Variants in GYS1 observed in about 807,000 individuals in gnomAD.
GYS1 encodes the protein glycogen synthase 1.
GYS1 carries 60 observed loss-of-function variants against 89.1 expected under a neutral mutation model. The ratio of observed to expected loss-of-function variants is 0.67; its 90% CI spans 0.55 to 0.84. The LOEUF is 0.84. GYS1 is among the 40% of genes least tolerant of loss of function. The pLI is 0.00. For missense variants in GYS1, 888 were observed against 1,003.1 expected, an observed-to-expected ratio of 0.89 and a Z score of 1.55; for synonymous variants, 366 against 401.7, an observed-to-expected ratio of 0.91 and a Z score of 1.06.
intron 11 of GYS1, 106 bp from the exon 12 acceptor site, chr19:48,974,445 ATG>A: frequency 7.5e-7 from 1 of 1,328,762 alleles, no homozygotes; most frequent in Non-Finnish European, 1.1e-6. Flanking sequence ...ATCACACAGC[ATG>A]TGTTTGGCAG....
chr19:48,979,874 C>T (rs2038729845), intron 8 of GYS1, among the ~76,000 whole-genome samples: 1 of 148,258 alleles, frequency 6.7e-6, no homozygotes, highest in Non-Finnish European at 1.5e-5. Context: ...CTCAAACTCC[C>T]GACCTCAGGT....
chr19:48,970,489 A>AC, intron 14 of GYS1, 57 bp downstream of exon 14: 1 of 1,455,334 alleles, frequency 6.9e-7, no homozygotes, highest in Non-Finnish European at 9.6e-7. Context: ...TGCACCAAAG[A>AC]CCCCTAGCCA....
intron 14 of GYS1, 140 bp from the exon 15 acceptor site, chr19:48,969,995 C>G: frequency 1.5e-6 from 1 of 667,852 alleles, no homozygotes; most frequent in Admixed American, 2.2e-5. Flanking sequence ...TATCTGACTC[C>G]ACCCCTTATG....
chr19:48,990,953 C>A (rs1381208801), intron 2 of GYS1, among the ~76,000 whole-genome samples: 1 of 152,230 alleles, frequency 6.6e-6, no homozygotes, highest in Admixed American at 6.5e-5. Context: ...CGCCACCACA[C>A]CCAGCTAATT....
chr19:48,974,639 C>T lies in GYS1; in HGVS notation c.1403G>A (p.Ser468Asn). The part of the protein sequence containing the change: ...TTIRRIGLFN[S>N]SADRVKVIFH... ...CCTCACCTTCACCCTGTCGGCACTG[C>T]TATTGAAGAGGCCGATTCGGCGGAT... The change falls in exon 11 of 16, where the codon AGC becomes AAC. Residue 468 changes from serine (S) to asparagine (N), a missense_variant. Ser to Asn is a conservative substitution (Grantham distance 46). Coordinates refer to ENST00000323798, the MANE Select transcript of GYS1 (RefSeq NM_002103.5). 1.2e-6 allele frequency: 2 copies of T among 1,613,240 alleles called. No homozygotes were observed. The highest frequency in any genetic ancestry group is 1.7e-6 in the Non-Finnish European group (2 of 1,179,180).
chr19:48,975,801 C>T (rs922510300), intron 10 of GYS1, among the ~76,000 whole-genome samples: 1 of 150,836 alleles, frequency 6.6e-6, no homozygotes, highest in African/African-American at 2.4e-5. Flanking sequence ...GTGGTGGGTG[C>T]CTCAGGAGGC....
intron 2 of GYS1, among the ~76,000 whole-genome samples, chr19:48,990,578 G>A (rs375025292): frequency 2.0e-5 from 3 of 152,206 alleles, no homozygotes; most frequent in East Asian, 1.9e-4. Context: ...GACAATCACC[G>A]CCCACACAAT....
Position 48,981,453 on chromosome 19 carries a change from A to C in GYS1, c.1169+77T>G, listed in dbSNP as rs914592122. 7.6e-5 allele frequency: 63 copies of C among 828,728 alleles called. No homozygotes were observed. In the African/African-American group the frequency reaches 1.0e-3, roughly 13 times the overall value. 51.3% of individuals were successfully genotyped at this position (828,728 alleles called of 1,614,324 possible). A position where few individuals can be genotyped will look rare whatever the true frequency, so the allele number is the denominator to read the frequency against. Reference sequence around the variant, plus strand: ...CAAACAAACAAAACAAAAAACTGAGACTCTAGGAGAAACACAGGACCCAAA... The same window carrying C: ...CAAACAAACAAAACAAAAAACTGAGCCTCTAGGAGAAACACAGGACCCAAA... On this transcript the variant is annotated intron_variant, in intron 8 of 15. Coordinates refer to ENST00000323798, the MANE Select transcript of GYS1 (RefSeq NM_002103.5).
Position 48,974,626 on chromosome 19 carries a change from CCT to C in GYS1, c.1414_1415del (p.Arg472GlyfsTer22). 6.2e-7 allele frequency: 1 copy of C among 1,611,756 alleles called. No individual in the cohort carries two copies. The highest frequency in any genetic ancestry group is 8.5e-7 in the Non-Finnish European group (1 of 1,177,892). On this transcript the variant is annotated frameshift_variant, in exon 11 of 16. Coordinates refer to ENST00000323798, the MANE Select transcript of GYS1 (RefSeq NM_002103.5). LOFTEE classifies it high-confidence loss of function. ...RIGLFNSSAD[R>X]VKVIFHPEFL... ...CCTGACCAAATGCCCTCACCTTCAC[CCT>C]GTCGGCACTGCTATTGAAGAGGCCG...
chr19:48,990,014 C>T (rs951126314), intron 2 of GYS1, among the ~76,000 whole-genome samples: 7 of 51,348 alleles, frequency 1.4e-4, no homozygotes, highest in South Asian at 7.9e-4. Context: ...GGGGGGGGGG[C>T]TATTCTTAGG....
chr19:48,978,051 G>T lies in GYS1; in HGVS notation c.1229+47C>A, dbSNP rs774138215. The T allele has an allele frequency of 2.5e-6, 4 of 1,606,462 alleles. No individual in the cohort carries two copies. In the African/African-American group the frequency reaches 5.4e-5, roughly 21 times the overall value. ...ATGTGAGAACGGAGTAATGAGAGGG[G>T]TTAGTCAGGGCCTAGGAGGGCACAG... On this transcript the variant is annotated intron_variant, in intron 9 of 15. Transcript: ENST00000323798.
chr19:48,969,830 G>C lies in GYS1; in HGVS notation c.1835C>G (p.Ala612Gly). Residue 612 changes from alanine (A) to glycine (G), a missense_variant, in exon 15 of 16, where the codon GCG (alanine) becomes GGG (glycine). Coordinates refer to ENST00000323798, the MANE Select transcript of GYS1 (RefSeq NM_002103.5). ...GRYYMSARHM[A>G]LSKAFPEHFT... ...GTGCTCTGGAAAGGCCTTGGACAGC[G>C]CCATGTGGCGCGCAGACATATAGTA... The C allele has an allele frequency of 6.2e-7, 1 of 1,613,710 alleles. No individual in the cohort carries two copies. Among genetic ancestry groups the C allele is most frequent in the Non-Finnish European group, 8.5e-7 (1 of 1,179,798 alleles).
chr19:48,978,185 A>G (rs771976129), intron 8 of GYS1, 28 bp from the exon 9 acceptor site: 2 of 1,578,548 alleles, frequency 1.3e-6, no homozygotes, highest in Admixed American at 1.7e-5. Context: ...ACAGGGTCAC[A>G]TACACACCAG....
intron 12 of GYS1, among the ~76,000 whole-genome samples, chr19:48,971,666 T>G (rs1468396076): frequency 1.3e-5 from 2 of 151,828 alleles, no homozygotes; most frequent in Admixed American, 1.3e-4. Flanking sequence ...GCGATTTTCG[T>G]GCCTTAGCCA....
At chr19:48,987,622 G>GC (rs1444767753) in intron 2 of GYS1, among the ~76,000 whole-genome samples, 4 of 151,816 alleles carry the variant, frequency 2.6e-5, no homozygotes, top group Non-Finnish European at 5.9e-5. Context: ...TATTTTCCGT[G>GC]CCCCCTGCTT....
chr19:48,990,897 C>T (rs1021256919), intron 2 of GYS1, among the ~76,000 whole-genome samples: 1 of 152,206 alleles, frequency 6.6e-6, no homozygotes, highest in African/African-American at 2.4e-5. Flanking sequence ...CGGGTTCAAG[C>T]GATTCTCCTG....
intron 10 of GYS1, among the ~76,000 whole-genome samples, chr19:48,976,164 A>G (rs2122483926): frequency 6.6e-6 from 1 of 152,210 alleles, no homozygotes; most frequent in South Asian, 2.1e-4. Context: ...CCGATGGCAG[A>G]AACATTCATA....
In GYS1 at chr19:48,987,257, C is replaced by T. The variant is rs770471119; in HGVS notation, c.429G>A (p.Trp143Ter). ...LWDTCNIGVPWYDREANDAVL... is the reference protein window; with the variant it reads ...LWDTCNIGVP ...CAGCGTCGTTGGCCTCGCGGTCGTA[C>T]CACGGCACTCCGATGTTGCAGGTAT... Residue 143 changes from tryptophan to a stop codon, truncating the protein, a stop_gained, in exon 3 of 16, where the codon TGG (tryptophan) becomes TGA (stop). Coordinates refer to ENST00000323798, the MANE Select transcript of GYS1 (RefSeq NM_002103.5). LOFTEE classifies it high-confidence loss of function. 4 of 1,613,236 alleles carry T rather than the reference C, an allele frequency of 2.5e-6. No homozygotes were observed. The highest frequency in any genetic ancestry group is 2.7e-5 in the African/African-American group (2 of 74,904).
In GYS1 at chr19:48,987,347, C is replaced by A. The variant is rs1463857443; in HGVS notation, c.339G>T (p.Leu113=). Residue 113 remains leucine, a synonymous_variant, in exon 3 of 16, where the codon CTG becomes CTT. Transcript: ENST00000323798. ...FGRWLIEGGP[L]VVLLDVGASA... Reference sequence around the variant, plus strand: ...AGGCACCCACGTCCAGGAGCACCACCAGAGGGCCTCCCTCGATCAGCCAGC... The same window carrying A: ...AGGCACCCACGTCCAGGAGCACCACAAGAGGGCCTCCCTCGATCAGCCAGC... 1 of 1,610,996 alleles carries A rather than the reference C, an allele frequency of 6.2e-7. No individual in the cohort carries two copies. The highest frequency in any genetic ancestry group is 8.5e-7 in the Non-Finnish European group (1 of 1,178,422).
Sources: allele counts gnomAD v4.1 joint callset (sites outside exome capture counted in the v4.1 genomes callset), GRCh38; gene constraint gnomAD v4.1.1; transcripts MANE v1.5; gene names NCBI Gene and HGNC (gene_info 2026-07-23, HGNC 2026-07-21).